The following ILKAP variants were observed in gnomAD, a reference collection of about 807,000 sequenced individuals.
ILKAP encodes the protein ILK associated serine/threonine phosphatase, also known as integrin-linked kinase-associated serine/threonine phosphatase 2C.
In ILKAP, 11 loss-of-function variants were observed where a neutral mutation model predicts 49.1. That is an observed-to-expected ratio of 0.22 (90% confidence interval 0.14 to 0.37). The LOEUF (loss-of-function observed/expected upper bound fraction) is 0.37. Among genes scored for constraint, ILKAP ranks in the 10% least tolerant of loss-of-function variants. The probability of loss-of-function intolerance (pLI) is 1.00; values close to 1 mark genes in which losing one functional copy is unlikely to be tolerated. For missense variants in ILKAP, 363 were observed against 510.8 expected (o/e 0.71, Z 2.79); for synonymous variants, 186 against 192.8 (o/e 0.96, Z 0.29).
At chr2:238,200,775 T>G (rs1694535457) in intron 1 of ILKAP, among the ~76,000 whole-genome samples, 1 of 152,196 alleles carries the variant, frequency 6.6e-6, no homozygotes, top group South Asian at 2.1e-4. Flanking sequence ...GTGAGCTGTG[T>G]TTATGTCACT....
At position 238,189,833 on chromosome 2, in the gene ILKAP, T is replaced by C. The variant is rs768226116; in HGVS notation, c.298+20A>G. On this transcript the variant is annotated intron_variant, in intron 4 of 11. Transcript: ENST00000254654. The stretch of plus-strand genomic sequence containing the variant: ...TAAAATATGAAGTCTAATACATTTG[T>C]TTTCAAATTGTCTGAAAACCTTTAC... 4 of 1,611,924 alleles carry C rather than the reference T, an allele frequency of 2.5e-6. No homozygotes were observed. The highest frequency in any genetic ancestry group is 2.5e-6 in the Non-Finnish European group (3 of 1,178,754).
chr2:238,192,938 G>A (rs1182884490), intron 3 of ILKAP, among the ~76,000 whole-genome samples: 10 of 151,956 alleles, frequency 6.6e-5, no homozygotes, highest in Non-Finnish European at 1.2e-4. Context: ...GCTTAAACCC[G>A]GGAGGTGGAG....
At chr2:238,186,200 T>C (rs547883838) in intron 5 of ILKAP, 21 of 152,352 alleles carry the variant, frequency 1.4e-4, no homozygotes, top group African/African-American at 4.6e-4. Flanking sequence ...ACACCTAAGC[T>C]ACATACATGG....
chr2:238,170,899 A>T (rs113695348), intron 11 of ILKAP, 44 bp downstream of exon 11: 1 of 1,562,992 alleles, frequency 6.4e-7, no homozygotes, highest in East Asian at 2.2e-5. Context: ...CTGAAAACTA[A>T]GACACAATTG....
intron 9 of ILKAP, among the ~76,000 whole-genome samples, chr2:238,178,288 C>T (rs1035443388): frequency 2.6e-5 from 4 of 152,106 alleles, no homozygotes; most frequent in Non-Finnish European, 4.4e-5. Context: ...CTCAAGTGAC[C>T]CTTCTGTCTC....
intron 1 of ILKAP, among the ~76,000 whole-genome samples, chr2:238,195,225 G>T (rs1694295107): frequency 6.6e-6 from 1 of 152,104 alleles, no homozygotes; most frequent in African/African-American, 2.4e-5. Flanking sequence ...GAAAAAAACT[G>T]ATTCTAGACC....
chr2:238,170,991 C>T lies in ILKAP; in HGVS notation c.990G>A (p.Lys330=). 6.2e-7 allele frequency: 1 copy of T among 1,613,948 alleles called. No homozygotes were observed. The highest frequency in any genetic ancestry group is 1.3e-5 in the African/African-American group (1 of 74,992). ...TCACGGCTTCTTCTGGGGTAAAGAC[C>T]TTGAAGAGCCCATCACAGGCCAACA... ...FILLACDGLF[K]VFTPEEAVNF... is the part of the protein sequence containing the mutation. Residue 330 remains lysine, a synonymous_variant, in exon 11 of 12, where the codon AAG becomes AAA. Transcript: ENST00000254654.
intron 5 of ILKAP, chr2:238,185,492 CT>C (rs1269778618): frequency 1.3e-5 from 6 of 478,176 alleles, no homozygotes; most frequent in Admixed American, 7.9e-5. Flanking sequence ...AGCATTTTAT[CT>C]TTTTTTAAAA....
At chr2:238,171,879 G>A (rs532665395) in intron 10 of ILKAP, among the ~76,000 whole-genome samples, 2 of 152,178 alleles carry the variant, frequency 1.3e-5, no homozygotes, top group East Asian at 1.9e-4. Flanking sequence ...CCCCTAGACC[G>A]TCCCTGGAAT....
chr2:238,176,809 A>AT (rs1425310064), intron 9 of ILKAP, among the ~76,000 whole-genome samples: 1 of 152,264 alleles, frequency 6.6e-6, no homozygotes, highest in Non-Finnish European at 1.5e-5. Flanking sequence ...GCTGGTCTCA[A>AT]TAAACAGACT....
At position 238,193,206 on chromosome 2, in the gene ILKAP, C is replaced by T. The variant is rs193103994; in HGVS notation, c.178+1069G>A. On this transcript the variant is annotated intron_variant, in intron 3 of 11. Coordinates refer to ENST00000254654, the MANE Select transcript of ILKAP (RefSeq NM_030768.3). ...TTCTTCTATTAAATCCCTTAACAGCCTTCTTTGAACATATTAACTTTCCTT... is the reference window on the plus strand; with the variant it reads ...TTCTTCTATTAAATCCCTTAACAGCTTTCTTTGAACATATTAACTTTCCTT... Among the ~76,000 whole-genome samples, 93 of 152,246 alleles carry T rather than the reference C, an allele frequency of 6.1e-4. 1 individual carries two copies. In the East Asian group the frequency reaches 0.017, roughly 28 times the overall value.
At chr2:238,185,445 AG>A (rs1227440696) in intron 5 of ILKAP, 158 bp from the exon 6 acceptor site, 13 of 537,464 alleles carry the variant, frequency 2.4e-5, no homozygotes. Context: ...GGGAAAAAAA[AG>A]GCTTTAACTG....
At chr2:238,202,645 A>G (rs554909689) in intron 1 of ILKAP, among the ~76,000 whole-genome samples, 48 of 152,154 alleles carry the variant, frequency 3.2e-4, no homozygotes, top group Non-Finnish European at 4.9e-4. Context: ...AAATTTTGTA[A>G]TAAGGCCCTA....
intron 3 of ILKAP, among the ~76,000 whole-genome samples, chr2:238,191,381 TC>T (rs1271063654): frequency 1.3e-5 from 2 of 152,186 alleles, no homozygotes; most frequent in Non-Finnish European, 2.9e-5. Flanking sequence ...GTCAGACATT[TC>T]TTAGTGCTGA....
At chr2:238,185,697 G>C (rs34413717) in intron 5 of ILKAP, 42,581 of 157,992 alleles carry the variant, frequency 0.27, 6,181 homozygotes, top group South Asian at 0.36. Flanking sequence ...CCAGCTACTC[G>C]GGAGGCTGAG....
chr2:238,203,596 C>T lies in ILKAP; in HGVS notation c.-43G>A. 9.0e-7 allele frequency: 1 copy of T among 1,115,992 alleles called. No individual in the cohort carries two copies. Among genetic ancestry groups the T allele is most frequent in the Non-Finnish European group, 1.1e-6 (1 of 907,276 alleles). 69.1% of individuals were successfully genotyped at this position (1,115,992 alleles called of 1,614,324 possible). A position where few individuals can be genotyped will look rare whatever the true frequency, so the allele number is the denominator to read the frequency against. On this transcript the variant is annotated 5_prime_UTR_variant, in exon 1 of 12. Coordinates refer to ENST00000254654, the MANE Select transcript of ILKAP (RefSeq NM_030768.3). The stretch of plus-strand genomic sequence containing the variant: ...GGCGGCAGCAGCGACAGACACTCAG[C>T]CCGCGAGCAGCGGCCGGGCTCCACA...
chr2:238,194,765 G>A (rs1694276322), intron 2 of ILKAP, 40 bp downstream of exon 2: 1 of 1,584,118 alleles, frequency 6.3e-7, no homozygotes, highest in Admixed American at 1.7e-5. Context: ...AGGATGAGTA[G>A]AGACGTTGAC....
At chr2:238,179,176 G>A (rs919823512) in intron 9 of ILKAP, among the ~76,000 whole-genome samples, 4 of 152,090 alleles carry the variant, frequency 2.6e-5, no homozygotes, top group Admixed American at 6.6e-5. Context: ...AGTTTCCACT[G>A]GCCATATCTG....
chr2:238,195,179 A>G (rs1016864983), intron 1 of ILKAP, among the ~76,000 whole-genome samples: 5 of 152,236 alleles, frequency 3.3e-5, no homozygotes, highest in Admixed American at 2.6e-4. Flanking sequence ...AGCATGAAAC[A>G]TTTAAAAGTC....
Sources: gnomAD v4.1 joint callset for allele counts (sites outside exome capture counted in the v4.1 genomes callset) on GRCh38, gnomAD v4.1.1 for gene constraint, MANE v1.5 for transcripts, NCBI Gene and HGNC (gene_info 2026-07-23, HGNC 2026-07-21) for gene names.